Variants in KHDRBS2 observed in about 807,000 individuals in gnomAD.
KHDRBS2 encodes the protein KH RNA binding domain containing, signal transduction associated 2.
KHDRBS2 carries 26 observed loss-of-function variants against 44.3 expected under a neutral mutation model. That is an observed-to-expected ratio of 0.59 (90% CI 0.43 to 0.81). The LOEUF is 0.81. KHDRBS2 is among the 40% of genes least tolerant of loss of function. The pLI is 0.00. For synonymous variants in KHDRBS2, 194 were observed against 151.1 expected (o/e 1.28, Z -2.08); for missense variants, 476 against 433.1 (o/e 1.10, Z -0.88).
At chr6:62,272,063 C>A (rs909493312) in intron 1 of KHDRBS2, among the ~76,000 whole-genome samples, 17 of 152,200 alleles carry the variant, frequency 1.1e-4, no homozygotes, top group Non-Finnish European at 2.2e-4. Context: ...TATAGGTGTA[C>A]CACTATTTAT....
chr6:62,053,362 A>C (rs1451083681), intron 2 of KHDRBS2, among the ~76,000 whole-genome samples: 1 of 151,958 alleles, frequency 6.6e-6, no homozygotes, highest in Non-Finnish European at 1.5e-5. Flanking sequence ...AAAAGAAAAA[A>C]AAAATGACAT....
At chr6:61,988,260 C>G (rs541679088) in intron 3 of KHDRBS2, among the ~76,000 whole-genome samples, 3 of 152,032 alleles carry the variant, frequency 2.0e-5, no homozygotes, top group Non-Finnish European at 4.4e-5. Flanking sequence ...GAAAAGAAGG[C>G]AATTAATCTT....
intron 2 of KHDRBS2, among the ~76,000 whole-genome samples, chr6:62,165,165 T>C (rs1456787144): frequency 6.6e-6 from 1 of 151,724 alleles, no homozygotes; most frequent in African/African-American, 2.4e-5. Flanking sequence ...GCTTCAGTCA[T>C]TTCAATCTTT....
At chr6:61,941,612 T>A (rs796286091) in intron 4 of KHDRBS2, among the ~76,000 whole-genome samples, 2 of 152,058 alleles carry the variant, frequency 1.3e-5, no homozygotes, top group Admixed American at 1.3e-4. Context: ...CCTCCACCAA[T>A]AACTGCTCCC....
chr6:62,202,811 G>T (rs1235811113), intron 1 of KHDRBS2, among the ~76,000 whole-genome samples: 1 of 152,136 alleles, frequency 6.6e-6, no homozygotes, highest in Non-Finnish European at 1.5e-5. Context: ...GCAATCTCAA[G>T]CAAGGGATCC....
At chr6:61,787,653 C>T (rs1784023748) in intron 6 of KHDRBS2, among the ~76,000 whole-genome samples, 1 of 151,456 alleles carries the variant, frequency 6.6e-6, no homozygotes, top group Non-Finnish European at 1.5e-5. Flanking sequence ...TCTAAAAAGC[C>T]CTGGTATTCT....
At chr6:61,896,386 AT>A (rs911604766) in intron 5 of KHDRBS2, among the ~76,000 whole-genome samples, 19 of 151,820 alleles carry the variant, frequency 1.3e-4, no homozygotes, top group South Asian at 2.1e-4. Flanking sequence ...TAAGATAGAT[AT>A]TTTTTTTTCT....
At chr6:61,548,786 A>G in the KHDRBS2 span, among the ~76,000 whole-genome samples, 9 of 152,130 alleles carry the variant, frequency 5.9e-5, no homozygotes, top group Non-Finnish European at 1.3e-4. Flanking sequence ...AAAATAGGAA[A>G]AAGTGGAGTT....
intron 2 of KHDRBS2, among the ~76,000 whole-genome samples, chr6:62,149,687 T>A (rs537147707): frequency 6.6e-6 from 1 of 152,280 alleles, no homozygotes; most frequent in Admixed American, 6.5e-5. Context: ...TTTGAAAGAA[T>A]TTGACAGTCA....
intron 1 of KHDRBS2, among the ~76,000 whole-genome samples, chr6:62,248,806 T>A (rs2150173087): frequency 6.6e-6 from 1 of 152,218 alleles, no homozygotes; most frequent in East Asian, 1.9e-4. Flanking sequence ...AAAGTAAACA[T>A]GCTGTACCAT....
chr6:62,010,340 C>T (rs1190310003), intron 3 of KHDRBS2, among the ~76,000 whole-genome samples: 1 of 152,130 alleles, frequency 6.6e-6, no homozygotes, highest in Non-Finnish European at 1.5e-5. Context: ...AAGTAACTAA[C>T]TTGCTTTTGA....
chr6:62,023,274 C>A (rs1160405131), intron 3 of KHDRBS2, among the ~76,000 whole-genome samples: 1 of 151,568 alleles, frequency 6.6e-6, no homozygotes, highest in African/African-American at 2.4e-5. Context: ...AAGAAACAAC[C>A]TGAGTATGTG....
At chr6:61,919,747 C>T (rs924340886) in intron 4 of KHDRBS2, among the ~76,000 whole-genome samples, 1 of 151,760 alleles carries the variant, frequency 6.6e-6, no homozygotes, top group Non-Finnish European at 1.5e-5. Context: ...AAAAACCCCA[C>T]CAAACCATCA....
rs1309668229 is a variant in KHDRBS2, at chr6:61,945,109, AAAAGTATAT to A, written c.483+32948_483+32956del. Among the ~76,000 whole-genome samples the A allele has an allele frequency of 4.9e-4, 18 of 36,584 alleles. 2 individuals are homozygous for A. The highest frequency in any genetic ancestry group is 2.3e-3 in the South Asian group (2 of 880). The allele number at this position is 36,584 out of a possible 152,430, so 24.0% of individuals were successfully genotyped here. On this transcript the variant is annotated intron_variant, in intron 4 of 8. Coordinates refer to ENST00000281156, the MANE Select transcript of KHDRBS2 (RefSeq NM_152688.4). Reference sequence around the variant, plus strand: ...CTGTCTTAAAAAAAAAAAAAAAAAAAAAAGTATATATATATATATATATATATATATATA... The same window carrying A: ...CTGTCTTAAAAAAAAAAAAAAAAAAAATATATATATATATATATATATATA...
At chr6:61,902,204 C>T (rs1311257989) in intron 4 of KHDRBS2, among the ~76,000 whole-genome samples, 1 of 152,162 alleles carries the variant, frequency 6.6e-6, no homozygotes, top group Non-Finnish European at 1.5e-5. Context: ...CCACCTGGGC[C>T]TCCCAAAGTG....
At chr6:61,583,456 G>C in the KHDRBS2 span, among the ~76,000 whole-genome samples, 1,368 of 151,706 alleles carry the variant, frequency 9.0e-3, 27 homozygotes, top group African/African-American at 0.032. Flanking sequence ...TTTTTATATG[G>C]ATATCATTTA....
chr6:61,685,202 ATATACT>A (rs1391855011), intron 8 of KHDRBS2, among the ~76,000 whole-genome samples: 6 of 151,834 alleles, frequency 4.0e-5, no homozygotes, highest in African/African-American at 1.2e-4. Flanking sequence ...TTCTGAGCAA[ATATACT>A]TAGTAAGAAC....
At chr6:61,606,046 A>T in the KHDRBS2 span, among the ~76,000 whole-genome samples, 2 of 152,092 alleles carry the variant, frequency 1.3e-5, no homozygotes, top group Non-Finnish European at 2.9e-5. Context: ...TCCTTGCTCA[A>T]AAGCTCCCTG....
intron 4 of KHDRBS2, among the ~76,000 whole-genome samples, chr6:61,940,846 G>A (rs902580464): frequency 6.6e-6 from 1 of 152,166 alleles, no homozygotes; most frequent in Non-Finnish European, 1.5e-5. Context: ...TGAGCAAACT[G>A]CCAGCTACTG....
Sources: gnomAD v4.1 joint callset for allele counts (sites outside exome capture counted in the v4.1 genomes callset) on GRCh38, gnomAD v4.1.1 for gene constraint, MANE v1.5 for transcripts, NCBI Gene and HGNC (gene_info 2026-07-23, HGNC 2026-07-21) for gene names.